Variants in SCIN observed in about 807,000 individuals in gnomAD.
SCIN encodes adseverin.
A neutral mutation model predicts 91.8 loss-of-function variants in SCIN; 91 were observed. That is an observed-to-expected ratio of 0.99 (90% confidence interval 0.84 to 1.18). The LOEUF (loss-of-function observed/expected upper bound fraction) is 1.18. SCIN is among the 50% of genes most tolerant of loss of function. SCIN has a pLI of 0.00. For missense variants in SCIN, 1,087 were observed against 863.9 expected (o/e 1.26, Z -3.24); for synonymous variants, 367 against 312.6 (o/e 1.17, Z -1.84).
chr7:12,588,808 T>TGGCGGGGGGGGGGGGGG (rs1782647130), intron 3 of SCIN: 1 of 7,964 alleles, frequency 1.3e-4, no homozygotes, highest in African/African-American at 1.2e-3. Context: ...CTGCATTGGG[T>TGGCGGGGGGGGGGGGGG]GGGGGGGGGG....
Position 12,640,531 on chromosome 7 carries a change from T to A in SCIN, c.1581+14T>A. On this transcript the variant is annotated intron_variant, in intron 11 of 15. Transcript: ENST00000297029. ...AGAATTGTGGAGGTAATGTCATGCA[T>A]TCCATAAAACATGCCCTAGTTATGG... The A allele has an allele frequency of 6.3e-7, 1 of 1,597,132 alleles. No individual in the cohort carries two copies. The highest frequency in any genetic ancestry group is 8.5e-7 in the Non-Finnish European group (1 of 1,172,496).
At chr7:12,631,135 A>G (rs1299779587) in intron 9 of SCIN, among the ~76,000 whole-genome samples, 2 of 152,254 alleles carry the variant, frequency 1.3e-5, no homozygotes, top group Non-Finnish European at 2.9e-5. Flanking sequence ...ATATTAAAAT[A>G]GAATAAATCA....
intron 5 of SCIN, among the ~76,000 whole-genome samples, chr7:12,624,621 G>A (rs544025624): frequency 5.7e-4 from 87 of 152,228 alleles, no homozygotes; most frequent in Admixed American, 4.3e-3. Flanking sequence ...ACTCTAAAAT[G>A]TACAAGAAAT....
chr7:12,629,587 T>C (rs920271598), intron 9 of SCIN, among the ~76,000 whole-genome samples: 9 of 152,230 alleles, frequency 5.9e-5, no homozygotes, highest in Admixed American at 4.6e-4. Flanking sequence ...AGGTCCATCC[T>C]AATTGGAACT....
chr7:12,574,912 T>A (rs1017971480), intron 1 of SCIN, among the ~76,000 whole-genome samples: 2 of 152,174 alleles, frequency 1.3e-5, no homozygotes, highest in Admixed American at 1.3e-4. Flanking sequence ...ACATTAGGCC[T>A]ATAGATCAAT....
At position 12,626,066 on chromosome 7, in the gene SCIN, C is replaced by T. The variant is rs1783515207; in HGVS notation, c.981+216C>T. 4 of 491,636 alleles carry T rather than the reference C, an allele frequency of 8.1e-6. No individual in the cohort carries two copies. In the Admixed American group the frequency reaches 1.5e-4, roughly 19 times the overall value. 30.5% of individuals were successfully genotyped at this position (491,636 alleles called of 1,614,324 possible). A position where few individuals can be genotyped will look rare whatever the true frequency, so the allele number is the denominator to read the frequency against. On this transcript the variant is annotated intron_variant, in intron 7 of 15. Coordinates refer to ENST00000297029, the MANE Select transcript of SCIN (RefSeq NM_001112706.3). Reference sequence around the variant, plus strand: ...ACATCAGACTTTCCATAGAGCTGCCCATTCACTTCCTCCACAGCCTTTAAT... The same window carrying T: ...ACATCAGACTTTCCATAGAGCTGCCTATTCACTTCCTCCACAGCCTTTAAT...
intron 3 of SCIN, among the ~76,000 whole-genome samples, chr7:12,587,024 T>C (rs903115257): frequency 6.6e-6 from 1 of 152,170 alleles, no homozygotes; most frequent in African/African-American, 2.4e-5. Flanking sequence ...TATAGTGCTA[T>C]GTGGTGAATA....
At chr7:12,623,171 A>C (rs1783444907) in intron 5 of SCIN, among the ~76,000 whole-genome samples, 1 of 152,152 alleles carries the variant, frequency 6.6e-6, no homozygotes, top group Non-Finnish European at 1.5e-5. Context: ...CGATCTTTTG[A>C]TATATAATAC....
At chr7:12,633,129 G>A (rs919832989) in intron 9 of SCIN, among the ~76,000 whole-genome samples, 12 of 152,186 alleles carry the variant, frequency 7.9e-5, no homozygotes, top group Middle Eastern at 3.4e-3. Flanking sequence ...TCAATACAGG[G>A]ACATAAACAG....
chr7:12,657,157 A>G lies in SCIN; in HGVS notation c.*4442A>G, dbSNP rs1235551328. ...TCCTATAATCCAGAAATCCCACTCC[A>G]TGGTGTGTACCCAACAAAAATGCAT... On this transcript the variant is annotated 3_prime_UTR_variant, in exon 16 of 16. Transcript: ENST00000297029. 1 of 150,544 alleles carries G rather than the reference A, an allele frequency of 6.6e-6. No individual in the cohort carries two copies. Among genetic ancestry groups the G allele is most frequent in the Non-Finnish European group, 1.5e-5 (1 of 67,772 alleles). 9.3% of individuals were successfully genotyped at this position (150,544 alleles called of 1,614,324 possible).
intron 3 of SCIN, among the ~76,000 whole-genome samples, chr7:12,585,659 A>G (rs192670324): frequency 5.3e-5 from 8 of 152,338 alleles, no homozygotes; most frequent in Non-Finnish European, 8.8e-5. Flanking sequence ...GCCAAAATCC[A>G]GGAGTCATCC....
In SCIN at chr7:12,651,895, A is replaced by G; in HGVS notation, c.2014A>G (p.Lys672Glu). ...TGAAGTTGAGAAAAAAGAATCTCTG[A>G]AGTCTGGTAAGCTCAATCGATGGAC... The part of the protein sequence containing the change: ...ANEVEKKESL[K>E]SAKMYLETDP... Residue 672 changes from lysine to glutamate, a missense_variant, in exon 15 of 16, where the codon AAG becomes GAG. Transcript: ENST00000297029. This position sits in a 1 kb window ranked among gnomAD's most constrained non-coding sequence, Gnocchi z 5.9. The G allele has an allele frequency of 6.2e-7, 1 of 1,602,012 alleles. No homozygotes were observed. Among genetic ancestry groups the G allele is most frequent in the Non-Finnish European group, 8.5e-7 (1 of 1,171,854 alleles).
In SCIN at chr7:12,626,667, C is replaced by T. The variant is rs1260562094; in HGVS notation, c.1065C>T (p.Gly355=). 6.4e-7 allele frequency: 1 copy of T among 1,564,148 alleles called. No individual in the cohort carries two copies. Among genetic ancestry groups the T allele is most frequent in the South Asian group, 1.2e-5 (1 of 84,874 alleles). The change falls in exon 8 of 16, where the codon GGC becomes GGT. Residue 355 remains glycine (G), a synonymous_variant. Transcript: ENST00000297029. ...KDWRDKDQSD[G]FGKVYVTEKV... ...GGAGAGATAAAGATCAGAGTGATGG[C>T]TTCGGGAAAGTTTATGTCACAGAGA...
At chr7:12,605,240 G>A (rs907500590) in intron 4 of SCIN, among the ~76,000 whole-genome samples, 6 of 151,946 alleles carry the variant, frequency 3.9e-5, no homozygotes, top group African/African-American at 9.7e-5. Context: ...TTTGGTAGAC[G>A]CAGGGCTTCA....
chr7:12,612,013 C>T (rs1783202527), intron 4 of SCIN, among the ~76,000 whole-genome samples: 2 of 151,782 alleles, frequency 1.3e-5, no homozygotes, highest in African/African-American at 2.4e-5. Flanking sequence ...TTCTGTTGCC[C>T]TCCTATTTTT....
At chr7:12,640,004 T>G (rs1360286898) in intron 10 of SCIN, among the ~76,000 whole-genome samples, 1 of 152,170 alleles carries the variant, frequency 6.6e-6, no homozygotes, top group Non-Finnish European at 1.5e-5. Flanking sequence ...GATTTTCACA[T>G]AAGGTCGCAG....
intron 10 of SCIN, among the ~76,000 whole-genome samples, chr7:12,639,406 A>G (rs1264438403): frequency 6.6e-6 from 1 of 152,238 alleles, no homozygotes; most frequent in African/African-American, 2.4e-5. Context: ...GCAGGTATGT[A>G]TATGCATGTA....
chr7:12,583,179 A>T (rs114139496), intron 3 of SCIN, among the ~76,000 whole-genome samples: 1 of 152,102 alleles, frequency 6.6e-6, no homozygotes, highest in African/African-American at 2.4e-5. Context: ...TTCAATTATC[A>T]TGAATAGCTT....
intron 7 of SCIN, chr7:12,626,285 C>A: frequency 2.7e-6 from 1 of 375,144 alleles, no homozygotes; most frequent in Non-Finnish European, 4.8e-6. Context: ...TATGTCCCTG[C>A]ACAAGGAACA....
Sources: allele counts gnomAD v4.1 joint callset (sites outside exome capture counted in the v4.1 genomes callset), GRCh38; gene constraint gnomAD v4.1.1; non-coding constraint Gnocchi (gnomAD v3.1); transcripts MANE v1.5; gene names NCBI Gene and HGNC (gene_info 2026-07-23, HGNC 2026-07-21).